Variants in ZNF704 observed in about 807,000 individuals in gnomAD.
The protein encoded by ZNF704 is zinc finger protein 704.
In ZNF704, 10 loss-of-function variants were observed where a neutral mutation model predicts 44.7. The ratio of observed to expected loss-of-function variants is 0.22; its 90% CI spans 0.14 to 0.38. The LOEUF (loss-of-function observed/expected upper bound fraction) is 0.38, where lower values mean the gene tolerates loss of function less well. Among genes scored for constraint, ZNF704 ranks in the 10% least tolerant of loss-of-function variants. ZNF704 has a pLI of 1.00. For missense variants in ZNF704, 390 were observed against 545.5 expected, an observed-to-expected ratio of 0.71 and a Z score of 2.84; for synonymous variants, 211 against 207.6, an observed-to-expected ratio of 1.02 and a Z score of -0.14.
At chr8:80,784,930 T>C (rs1807590804) in intron 2 of ZNF704, among the ~76,000 whole-genome samples, 1 of 151,920 alleles carries the variant, frequency 6.6e-6, no homozygotes, top group Admixed American at 6.6e-5. Context: ...GGAGTTCCCA[T>C]ACAGCCCCCA....
At position 80,821,631 on chromosome 8, in the gene ZNF704, C is replaced by T; in HGVS notation, c.-21-16G>A. ...TGCTCCCCACCTGTGAAATGAAACA[C>T]AGAAATTCTTACTCACATAAAACAT... On this transcript the variant is annotated splice_polypyrimidine_tract_variant and intron_variant, in intron 1 of 8. Coordinates refer to ENST00000327835, the MANE Select transcript of ZNF704 (RefSeq NM_001033723.3). The T allele has an allele frequency of 6.3e-7, 1 of 1,598,046 alleles. No homozygotes were observed. The highest frequency in any genetic ancestry group is 8.6e-7 in the Non-Finnish European group (1 of 1,166,884).
intron 7 of ZNF704, among the ~76,000 whole-genome samples, chr8:80,649,526 C>G (rs537810926): frequency 6.6e-6 from 1 of 152,342 alleles, no homozygotes; most frequent in Non-Finnish European, 1.5e-5. Flanking sequence ...TATCCTGCAC[C>G]TGGCTCGGAG....
At chr8:80,840,821 T>C (rs1808665731) in intron 1 of ZNF704, among the ~76,000 whole-genome samples, 1 of 152,174 alleles carries the variant, frequency 6.6e-6, no homozygotes, top group Non-Finnish European at 1.5e-5. Flanking sequence ...ACTTTTCAAT[T>C]TCCATTTTTA....
chr8:80,770,845 T>C (rs1459172722), intron 2 of ZNF704, among the ~76,000 whole-genome samples: 4 of 152,208 alleles, frequency 2.6e-5, no homozygotes, highest in African/African-American at 7.2e-5. Flanking sequence ...TTTAAGTTCA[T>C]GATCCATTTC....
intron 2 of ZNF704, among the ~76,000 whole-genome samples, chr8:80,705,001 A>T (rs1818873186): frequency 6.6e-6 from 1 of 152,076 alleles, no homozygotes; most frequent in East Asian, 1.9e-4. Flanking sequence ...ACAAGTGGGG[A>T]ATTCTTGTGG....
intron 3 of ZNF704, among the ~76,000 whole-genome samples, chr8:80,688,125 T>C (rs1818572397): frequency 6.6e-6 from 1 of 152,078 alleles, no homozygotes; most frequent in Non-Finnish European, 1.5e-5. Context: ...GGAGGATTAC[T>C]TGAGCCCAGG....
chr8:80,744,551 C>T (rs765192591), intron 2 of ZNF704, among the ~76,000 whole-genome samples: 16 of 151,996 alleles, frequency 1.1e-4, no homozygotes, highest in Non-Finnish European at 2.2e-4. Context: ...TTCAAATATC[C>T]ATTCAAAAAA....
chr8:80,858,540 T>A (rs1046607990), intron 1 of ZNF704, among the ~76,000 whole-genome samples: 2 of 152,166 alleles, frequency 1.3e-5, no homozygotes, highest in Non-Finnish European at 2.9e-5. Flanking sequence ...AAGACCAGCC[T>A]GACCAACATG....
chr8:80,652,689 C>CA (rs528486291), intron 7 of ZNF704, among the ~76,000 whole-genome samples: 1,537 of 151,778 alleles, frequency 0.01, 29 homozygotes, highest in African/African-American at 0.035. Flanking sequence ...GCTTACCAAC[C>CA]AAAAAAAGTC....
At chr8:80,776,181 G>A (rs563767280) in intron 2 of ZNF704, among the ~76,000 whole-genome samples, 2 of 152,092 alleles carry the variant, frequency 1.3e-5, no homozygotes, top group African/African-American at 4.8e-5. Context: ...TTTGCCTATA[G>A]TTTTCACCCT....
intron 2 of ZNF704, among the ~76,000 whole-genome samples, chr8:80,747,072 T>C (rs951359973): frequency 3.9e-5 from 6 of 152,106 alleles, no homozygotes; most frequent in African/African-American, 1.2e-4. Context: ...ACTTTCCACA[T>C]CTGCTTCCTC....
intron 2 of ZNF704, among the ~76,000 whole-genome samples, chr8:80,796,311 C>T (rs897016381): frequency 6.6e-6 from 1 of 152,172 alleles, no homozygotes; most frequent in African/African-American, 2.4e-5. Context: ...CTCTTCCTCA[C>T]CTTATAAAGC....
chr8:80,855,963 G>T (rs974869148), intron 1 of ZNF704, among the ~76,000 whole-genome samples: 1 of 152,224 alleles, frequency 6.6e-6, no homozygotes, highest in East Asian at 1.9e-4. Flanking sequence ...TCTAATGCCT[G>T]TTCAGTTCTT....
At chr8:80,860,312 T>C (rs913288107) in intron 1 of ZNF704, among the ~76,000 whole-genome samples, 1 of 152,172 alleles carries the variant, frequency 6.6e-6, no homozygotes, top group Non-Finnish European at 1.5e-5. Context: ...GTGTCTGTGT[T>C]GAAATGGGGC....
At chr8:80,816,578 C>G (rs1270449664) in intron 2 of ZNF704, among the ~76,000 whole-genome samples, 1 of 152,184 alleles carries the variant, frequency 6.6e-6, no homozygotes, top group Non-Finnish European at 1.5e-5. Context: ...TTTCATCTCT[C>G]TCAGAGAGAG....
chr8:80,654,796 A>G (rs1817985891), intron 7 of ZNF704, among the ~76,000 whole-genome samples: 1 of 152,220 alleles, frequency 6.6e-6, no homozygotes, highest in African/African-American at 2.4e-5. Context: ...TTCCTCAGGG[A>G]TCTAGAACTA....
In ZNF704 at chr8:80,807,199, T is replaced by C. The variant is rs141804275; in HGVS notation, c.221+14175A>G. On this transcript the variant is annotated intron_variant, in intron 2 of 8. Coordinates refer to ENST00000327835, the MANE Select transcript of ZNF704 (RefSeq NM_001033723.3). ...GACAATTCTGAACCCTGAAACATCA[T>C]GCACATCAATAACAAGCTATGGAAG... Among the ~76,000 whole-genome samples, 220 of 152,274 alleles carry C rather than the reference T, an allele frequency of 1.4e-3. 1 individual carries two copies. The highest frequency in any genetic ancestry group is 4.8e-3 in the African/African-American group (199 of 41,562).
At chr8:80,838,675 G>A (rs1343938709) in intron 1 of ZNF704, among the ~76,000 whole-genome samples, 1 of 149,402 alleles carries the variant, frequency 6.7e-6, no homozygotes, top group Non-Finnish European at 1.5e-5. Context: ...AGAACCTGGA[G>A]GAGGAGGAGG....
At chr8:80,649,376 C>A (rs1271126976) in intron 7 of ZNF704, among the ~76,000 whole-genome samples, 4 of 152,148 alleles carry the variant, frequency 2.6e-5, no homozygotes, top group East Asian at 1.9e-4. Flanking sequence ...CATCGCCTCA[C>A]CCGGGAAGCG....
Sources: gnomAD v4.1 joint callset for allele counts (sites outside exome capture counted in the v4.1 genomes callset) on GRCh38, gnomAD v4.1.1 for gene constraint, MANE v1.5 for transcripts, NCBI Gene and HGNC (gene_info 2026-07-23, HGNC 2026-07-21) for gene names.